Variants in DPP6 observed in about 807,000 individuals in gnomAD.
DPP6 encodes the protein A-type potassium channel modulatory protein DPP6.
DPP6 carries 69 observed loss-of-function variants against 122.6 expected under a neutral mutation model. The observed-to-expected ratio is 0.56, with a 90% confidence interval of 0.46 to 0.69. The LOEUF (loss-of-function observed/expected upper bound fraction) is 0.69. DPP6 is among the 30% of genes least tolerant of loss of function. DPP6 has a pLI of 0.00. For synonymous variants in DPP6, 418 were observed against 433.1 expected (o/e 0.97, Z 0.43); for missense variants, 928 against 1,116.9 (o/e 0.83, Z 2.41).
At chr7:153,815,335 T>C in the DPP6 span, among the ~76,000 whole-genome samples, 1 of 151,986 alleles carries the variant, frequency 6.6e-6, no homozygotes, top group Admixed American at 6.6e-5. Flanking sequence ...ATATAAACGC[T>C]GGAATCCTGC....
At chr7:153,827,171 C>A in the DPP6 span, among the ~76,000 whole-genome samples, 1 of 152,090 alleles carries the variant, frequency 6.6e-6, no homozygotes, top group African/African-American at 2.4e-5. Flanking sequence ...TGGTAACTTT[C>A]TTAACTTTTA....
At chr7:154,381,526 A>C (rs1369577231) in intron 1 of DPP6, among the ~76,000 whole-genome samples, 1 of 152,178 alleles carries the variant, frequency 6.6e-6, no homozygotes, top group Non-Finnish European at 1.5e-5. Context: ...ATGTATGACA[A>C]AAGTTTCATC....
chr7:154,360,244 G>A (rs1307864147), intron 1 of DPP6, among the ~76,000 whole-genome samples: 1 of 152,162 alleles, frequency 6.6e-6, no homozygotes, highest in Non-Finnish European at 1.5e-5. Flanking sequence ...AGCTATCAAA[G>A]AGCCAATCCC....
At chr7:154,707,169 G>T (rs1017940892) in intron 7 of DPP6, among the ~76,000 whole-genome samples, 2 of 152,178 alleles carry the variant, frequency 1.3e-5, no homozygotes, top group Non-Finnish European at 2.9e-5. Flanking sequence ...TTAAAATGCG[G>T]TCCTCTGTGG....
intron 1 of DPP6, among the ~76,000 whole-genome samples, chr7:154,237,013 C>G (rs1238660927): frequency 6.6e-6 from 1 of 152,130 alleles, no homozygotes; most frequent in Non-Finnish European, 1.5e-5. Context: ...CTGTCAAAAC[C>G]CACACTTAGA....
At chr7:153,768,266 GA>G in the DPP6 span, among the ~76,000 whole-genome samples, 2 of 144,018 alleles carry the variant, frequency 1.4e-5, no homozygotes, top group African/African-American at 2.6e-5. Flanking sequence ...GAAAGAAAAA[GA>G]AAAAGGTTTA....
chr7:154,678,139 T>G (rs1839035867), intron 7 of DPP6, among the ~76,000 whole-genome samples: 1 of 152,064 alleles, frequency 6.6e-6, no homozygotes, highest in African/African-American at 2.4e-5. Context: ...CAATCAGCAC[T>G]CTGTAAAAAC....
chr7:154,793,407 C>T (rs1275635328), intron 10 of DPP6, among the ~76,000 whole-genome samples: 4 of 152,172 alleles, frequency 2.6e-5, no homozygotes, highest in Non-Finnish European at 5.9e-5. Flanking sequence ...CCCGGTACCC[C>T]TCGGGCTAAG....
In DPP6 at chr7:154,780,147, A is replaced by G. The variant is rs192570760; in HGVS notation, c.1136+7205A>G. On this transcript the variant is annotated intron_variant, in intron 10 of 25. Coordinates refer to ENST00000377770, the MANE Select transcript of DPP6 (RefSeq NM_130797.4). ...ATCAGACCAGGGCAGGGTCTTTGTT[A>G]TTCATTAGGGTGAGAAGCCATTCCC... 1.6e-4 allele frequency among the ~76,000 whole-genome samples: 25 copies of G among 152,252 alleles called. No individual in the cohort carries two copies. The East Asian group carries it at 4.6e-3, about 28-fold the overall frequency.
rs192930966 is a variant in DPP6 at position 154,483,693 on chromosome 7, T to G, written c.457+8656T>G. Among the ~76,000 whole-genome samples, 1 of 152,332 alleles carries G rather than the reference T, an allele frequency of 6.6e-6. No homozygotes were observed. The highest frequency in any genetic ancestry group is 6.5e-5 in the Admixed American group (1 of 15,312). On this transcript the variant is annotated intron_variant, in intron 3 of 25. Transcript: ENST00000377770. The surrounding 1 kb of genome is among the most constrained non-coding windows in gnomAD (Gnocchi z 8.1). ...AAGCCCAGGTGAAGTTTTTGTTTCG[T>G]TTTGTTTTGCTTTGCTTTTGAGACG...
chr7:153,910,350 C>A (rs970285170), intron 1 of DPP6, among the ~76,000 whole-genome samples: 3 of 151,902 alleles, frequency 2.0e-5, no homozygotes, highest in Non-Finnish European at 4.4e-5. Context: ...CTGCCTCAGA[C>A]CCCTGAGTAG....
At chr7:154,796,344 T>G (rs1318269831) in intron 12 of DPP6, 3 of 156,578 alleles carry the variant, frequency 1.9e-5, no homozygotes, top group African/African-American at 7.2e-5. Context: ...GGGACATAAC[T>G]GCAAACCATC....
chr7:154,281,469 A>G (rs1384806076), intron 1 of DPP6, among the ~76,000 whole-genome samples: 2 of 152,070 alleles, frequency 1.3e-5, no homozygotes, highest in African/African-American at 2.4e-5. Context: ...TCTGTTTCCT[A>G]TCTCCATTGT....
At position 154,853,723 on chromosome 7, in the gene DPP6, G is replaced by A. The variant is rs903894383; in HGVS notation, c.1667-57G>A. ...AAGAAAAGCCTGTTTTCTTGTTCTC[G>A]GCTAAACTAATGGCTTCGTTTTTGT... On this transcript the variant is annotated intron_variant, in intron 16 of 25. Coordinates refer to ENST00000377770, the MANE Select transcript of DPP6 (RefSeq NM_130797.4). The A allele has an allele frequency of 2.7e-5, 42 of 1,545,262 alleles. 1 individual carries two copies. Among genetic ancestry groups the A allele is most frequent in the African/African-American group, 2.1e-4 (15 of 71,706 alleles).
At chr7:154,575,338 TGTGTATGTGTGTGTG>T (rs1831517820) in intron 5 of DPP6, among the ~76,000 whole-genome samples, 3 of 65,672 alleles carry the variant, frequency 4.6e-5, no homozygotes, top group Non-Finnish European at 8.9e-5. Context: ...GTGTGTGGTG[TGTGTATGTGTGTGTG>T]GTGTGTGTGT....
At chr7:153,807,593 A>C in the DPP6 span, among the ~76,000 whole-genome samples, 6 of 152,034 alleles carry the variant, frequency 3.9e-5, no homozygotes, top group Non-Finnish European at 5.9e-5. Context: ...CTTTCCTGAA[A>C]GTTTACAACA....
At chr7:154,332,775 C>T (rs1374593681) in intron 1 of DPP6, among the ~76,000 whole-genome samples, 1 of 152,122 alleles carries the variant, frequency 6.6e-6, no homozygotes, top group Non-Finnish European at 1.5e-5. Flanking sequence ...CTTTCTTTGT[C>T]GAGCTCTAGG....
intron 1 of DPP6, among the ~76,000 whole-genome samples, chr7:154,037,391 T>G (rs1306251952): frequency 6.6e-6 from 1 of 151,654 alleles, no homozygotes; most frequent in Non-Finnish European, 1.5e-5. Context: ...CAGCCTGCAG[T>G]CACATGTATT....
chr7:154,827,730 G>C (rs1353438199), intron 16 of DPP6, among the ~76,000 whole-genome samples: 8 of 129,420 alleles, frequency 6.2e-5, no homozygotes, highest in Non-Finnish European at 1.0e-4. Context: ...GCTGGCGGGG[G>C]GGGGGTGGTG....
Sources: gnomAD v4.1 joint callset for allele counts (sites outside exome capture counted in the v4.1 genomes callset) on GRCh38, gnomAD v4.1.1 for gene constraint, Gnocchi (gnomAD v3.1) non-coding constraint, MANE v1.5 for transcripts, NCBI Gene and HGNC (gene_info 2026-07-23, HGNC 2026-07-21) for gene names.